The following ADARB2 variants were observed in gnomAD, a reference collection of about 807,000 sequenced individuals.
The protein encoded by ADARB2 is inactive double-stranded RNA-specific editase B2.
In ADARB2, 25 loss-of-function variants were observed where a neutral mutation model predicts 62.2. The ratio of observed to expected loss-of-function variants is 0.40; its 90% CI spans 0.29 to 0.56. The LOEUF is 0.56. Among genes scored for constraint, ADARB2 ranks in the 20% least tolerant of loss-of-function variants. The pLI, the probability that ADARB2 is intolerant of heterozygous loss-of-function variation, is 0.43. For synonymous variants in ADARB2, 572 were observed against 500.8 expected (o/e 1.14, Z -1.90); for missense variants, 1,071 against 1,077.4 (o/e 0.99, Z 0.08).
At chr10:1,559,997 G>C (rs988740585) in intron 1 of ADARB2, among the ~76,000 whole-genome samples, 7 of 152,168 alleles carry the variant, frequency 4.6e-5, no homozygotes, top group Non-Finnish European at 7.3e-5. Flanking sequence ...GTGGACGGCA[G>C]GTGAAAACTG....
At chr10:1,731,475 C>A (rs1835231152) in intron 1 of ADARB2, among the ~76,000 whole-genome samples, 1 of 152,204 alleles carries the variant, frequency 6.6e-6, no homozygotes, top group Admixed American at 6.5e-5. Flanking sequence ...CTCACCAGAG[C>A]ACGTTAGCTG....
intron 7 of ADARB2, among the ~76,000 whole-genome samples, chr10:1,213,127 T>G (rs1837179671): frequency 6.7e-6 from 1 of 149,270 alleles, no homozygotes; most frequent in Non-Finnish European, 1.5e-5. Context: ...GGGAGGAGGA[T>G]GAGATGGAGA....
At chr10:1,410,357 A>G (rs1832749414) in intron 1 of ADARB2, among the ~76,000 whole-genome samples, 1 of 152,156 alleles carries the variant, frequency 6.6e-6, no homozygotes, top group Non-Finnish European at 1.5e-5. Flanking sequence ...GGCTGTGGTC[A>G]TGGGGAAGGA....
chr10:1,289,426 A>G (rs1426710219), intron 3 of ADARB2, among the ~76,000 whole-genome samples: 3 of 152,234 alleles, frequency 2.0e-5, no homozygotes, highest in African/African-American at 4.8e-5. Context: ...AAATTGGTTG[A>G]GGCTTGTCTC....
chr10:1,232,850 T>C (rs1830822251), intron 6 of ADARB2, among the ~76,000 whole-genome samples: 1 of 151,584 alleles, frequency 6.6e-6, no homozygotes. Flanking sequence ...GTGGTATATG[T>C]GGTATGCGTG....
intron 1 of ADARB2, among the ~76,000 whole-genome samples, chr10:1,451,239 G>A (rs748141982): frequency 2.0e-5 from 3 of 152,348 alleles, no homozygotes; most frequent in Non-Finnish European, 4.4e-5. Context: ...GTGAACCAGC[G>A]ATACAGGTGA....
chr10:1,514,928 A>G (rs535757941), intron 1 of ADARB2, among the ~76,000 whole-genome samples: 1 of 152,080 alleles, frequency 6.6e-6, no homozygotes, highest in East Asian at 2.0e-4. Flanking sequence ...GCACTCTGTG[A>G]ATTCTCGTCA....
chr10:1,581,929 T>C (rs1245915030), intron 1 of ADARB2, among the ~76,000 whole-genome samples: 2 of 152,036 alleles, frequency 1.3e-5, no homozygotes, highest in African/African-American at 4.8e-5. Flanking sequence ...GTGGCTGTTT[T>C]CTCTGCCCTG....
intron 1 of ADARB2, among the ~76,000 whole-genome samples, chr10:1,489,510 T>C (rs548704841): frequency 6.6e-6 from 1 of 152,230 alleles, no homozygotes. Context: ...CTTAATGTGT[T>C]GCCCATTAGT....
At chr10:1,430,181 A>T (rs1830765613) in intron 1 of ADARB2, among the ~76,000 whole-genome samples, 1 of 152,236 alleles carries the variant, frequency 6.6e-6, no homozygotes, top group South Asian at 2.1e-4. Flanking sequence ...TCAGTAGACC[A>T]TGGTGCAGTG....
At chr10:1,215,292 G>A (rs985094696) in intron 7 of ADARB2, among the ~76,000 whole-genome samples, 2 of 152,238 alleles carry the variant, frequency 1.3e-5, no homozygotes, top group East Asian at 1.9e-4. Context: ...GAACCCCTGG[G>A]TGGCTGCGTT....
At chr10:1,364,746 C>T (rs543739414) in intron 2 of ADARB2, among the ~76,000 whole-genome samples, 3 of 152,284 alleles carry the variant, frequency 2.0e-5, no homozygotes, top group East Asian at 1.9e-4. Flanking sequence ...CCTCCTTGTT[C>T]GGCTTCCCAG....
intron 1 of ADARB2, among the ~76,000 whole-genome samples, chr10:1,646,950 G>C (rs949191917): frequency 4.6e-5 from 7 of 152,240 alleles, no homozygotes; most frequent in South Asian, 4.1e-4. Context: ...TAAGGTGGCT[G>C]TCAGTGAGGG....
chr10:1,557,468 C>T (rs537178601), intron 1 of ADARB2, among the ~76,000 whole-genome samples: 16 of 152,288 alleles, frequency 1.1e-4, no homozygotes, highest in South Asian at 4.2e-4. Context: ...CCACGCTTCC[C>T]GCCAGTCCAG....
chr10:1,289,078 A>G (rs1831440251), intron 3 of ADARB2, among the ~76,000 whole-genome samples: 1 of 152,164 alleles, frequency 6.6e-6, no homozygotes, highest in African/African-American at 2.4e-5. Flanking sequence ...AGAAACAGTG[A>G]CCATCTGTTC....
At chr10:1,707,324 C>G (rs1260319354) in intron 1 of ADARB2, among the ~76,000 whole-genome samples, 1 of 152,212 alleles carries the variant, frequency 6.6e-6, no homozygotes, top group Non-Finnish European at 1.5e-5. Context: ...AGGGGTGTGT[C>G]CCACGGGGCT....
intron 1 of ADARB2, among the ~76,000 whole-genome samples, chr10:1,722,822 A>G (rs1835109413): frequency 6.6e-6 from 1 of 152,154 alleles, no homozygotes; most frequent in Non-Finnish European, 1.5e-5. Flanking sequence ...TAGTTCAACG[A>G]CCTCTGCAGT....
intron 1 of ADARB2, among the ~76,000 whole-genome samples, chr10:1,726,893 G>A (rs927442404): frequency 6.6e-6 from 1 of 152,168 alleles, no homozygotes; most frequent in African/African-American, 2.4e-5. Flanking sequence ...GCCCGGGGAA[G>A]GACAGCGAGG....
chr10:1,594,107 T>G (rs578093202), intron 1 of ADARB2, among the ~76,000 whole-genome samples: 1 of 152,174 alleles, frequency 6.6e-6, no homozygotes, highest in South Asian at 2.1e-4. Context: ...CTGGCCAACA[T>G]AGTGAAACCC....
Sources: gnomAD v4.1 joint callset for allele counts (sites outside exome capture counted in the v4.1 genomes callset) on GRCh38, gnomAD v4.1.1 for gene constraint, MANE v1.5 for transcripts, NCBI Gene and HGNC (gene_info 2026-07-23, HGNC 2026-07-21) for gene names.